Variants in NRG1 observed in about 807,000 individuals in gnomAD.
NRG1 encodes pro-neuregulin-1, membrane-bound isoform.
NRG1 carries 18 observed loss-of-function variants against 63.8 expected under a neutral mutation model. The ratio of observed to expected loss-of-function variants is 0.28; its 90% CI spans 0.19 to 0.42. The LOEUF is 0.42. NRG1 is among the 10% of genes least tolerant of loss of function. The probability of loss-of-function intolerance (pLI) is 1.00; values close to 1 mark genes in which losing one functional copy is unlikely to be tolerated. For synonymous variants in NRG1, 302 were observed against 301.3 expected (o/e 1.00, Z -0.02); for missense variants, 762 against 814.7 (o/e 0.94, Z 0.79).
At chr8:31,677,664 G>T (rs187684431) in intron 1 of NRG1, among the ~76,000 whole-genome samples, 1 of 152,096 alleles carries the variant, frequency 6.6e-6, no homozygotes, top group Non-Finnish European at 1.5e-5. Flanking sequence ...TAATGTATTG[G>T]ATCATTTTCA....
intron 5 of NRG1, among the ~76,000 whole-genome samples, chr8:32,662,728 A>C (rs574016550): frequency 6.6e-6 from 1 of 152,280 alleles, no homozygotes; most frequent in Admixed American, 6.5e-5. Context: ...GATGAATTGG[A>C]TATGGGATTT....
chr8:32,753,872 G>T (rs1000446381), intron 7 of NRG1, among the ~76,000 whole-genome samples: 6 of 152,136 alleles, frequency 3.9e-5, no homozygotes, highest in African/African-American at 1.4e-4. Context: ...AAATATCTGG[G>T]AAATACAAAA....
intron 1 of NRG1, among the ~76,000 whole-genome samples, chr8:32,129,772 A>G (rs1276302102): frequency 6.6e-6 from 1 of 152,004 alleles, no homozygotes; most frequent in Non-Finnish European, 1.5e-5. Context: ...AGGCATGTGT[A>G]TAATATATAT....
At chr8:32,164,855 T>C (rs1455648372) in intron 1 of NRG1, among the ~76,000 whole-genome samples, 1 of 152,184 alleles carries the variant, frequency 6.6e-6, no homozygotes, top group Non-Finnish European at 1.5e-5. Flanking sequence ...CCAATTGCTC[T>C]GTCTCTCAGA....
chr8:32,099,948 G>A (rs1033856349), intron 1 of NRG1, among the ~76,000 whole-genome samples: 23 of 151,980 alleles, frequency 1.5e-4, no homozygotes, highest in Non-Finnish European at 8.8e-5. Flanking sequence ...GGACTGGAGG[G>A]GCTAACAGAG....
At chr8:32,401,909 T>G (rs1411084589) in intron 1 of NRG1, among the ~76,000 whole-genome samples, 1 of 152,064 alleles carries the variant, frequency 6.6e-6, no homozygotes, top group Non-Finnish European at 1.5e-5. Flanking sequence ...TTTGGTTTTT[T>G]TGTTTGTTTG....
chr8:32,278,966 G>A (rs1852404196), intron 1 of NRG1, among the ~76,000 whole-genome samples: 1 of 152,198 alleles, frequency 6.6e-6, no homozygotes, highest in African/African-American at 2.4e-5. Context: ...ATAAGAGACT[G>A]TGTTTGCCTT....
At chr8:32,652,723 A>T (rs1307669139) in intron 5 of NRG1, among the ~76,000 whole-genome samples, 1 of 150,662 alleles carries the variant, frequency 6.6e-6, no homozygotes, top group Non-Finnish European at 1.5e-5. Flanking sequence ...ATTAAATCAA[A>T]TTTTTACCTT....
chr8:31,716,016 TCTTTGTGTCCTAATAG>T (rs1812313561), intron 1 of NRG1, among the ~76,000 whole-genome samples: 2 of 152,200 alleles, frequency 1.3e-5, no homozygotes, highest in South Asian at 4.1e-4. Context: ...AGTGGAAGTT[TCTTTGTGTCCTAATAG>T]CAATTGCGTG....
At chr8:32,536,785 G>A (rs954423249) in intron 1 of NRG1, among the ~76,000 whole-genome samples, 4 of 151,654 alleles carry the variant, frequency 2.6e-5, no homozygotes, top group Non-Finnish European at 5.9e-5. Context: ...TTAGCCGGGT[G>A]TGGTGGTGGG....
intron 1 of NRG1, among the ~76,000 whole-genome samples, chr8:32,346,833 T>C (rs1804961972): frequency 6.6e-6 from 1 of 151,832 alleles, no homozygotes; most frequent in Admixed American, 6.6e-5. Context: ...ATTTATCTTA[T>C]CTTTTTTTTT....
intron 1 of NRG1, among the ~76,000 whole-genome samples, chr8:31,677,547 A>G (rs577970934): frequency 2.0e-4 from 31 of 152,294 alleles, no homozygotes; most frequent in South Asian, 4.2e-4. Flanking sequence ...TTGAGGCTGC[A>G]GTGAGCTGAG....
At chr8:32,041,943 A>AT (rs536607154) in intron 1 of NRG1, among the ~76,000 whole-genome samples, 76 of 152,306 alleles carry the variant, frequency 5.0e-4, no homozygotes, top group African/African-American at 1.8e-3. Flanking sequence ...TTGAAAGTGA[A>AT]TTTTGGTATA....
intron 1 of NRG1, among the ~76,000 whole-genome samples, chr8:32,021,463 T>C (rs1470245749): frequency 3.9e-5 from 6 of 152,120 alleles, no homozygotes; most frequent in Non-Finnish European, 8.8e-5. Flanking sequence ...AGTGAGAACT[T>C]ACTACCAGAA....
chr8:31,692,190 G>A (rs932094945), intron 1 of NRG1, among the ~76,000 whole-genome samples: 1 of 152,174 alleles, frequency 6.6e-6, no homozygotes, highest in African/African-American at 2.4e-5. Context: ...ACTCATTTTA[G>A]AAATTACCCC....
At chr8:32,218,350 T>C (rs1845462330) in intron 1 of NRG1, among the ~76,000 whole-genome samples, 1 of 152,220 alleles carries the variant, frequency 6.6e-6, no homozygotes, top group African/African-American at 2.4e-5. Flanking sequence ...TTGCTTCCAT[T>C]TTCCATATGT....
chr8:32,002,734 G>C (rs1474021968), intron 1 of NRG1, among the ~76,000 whole-genome samples: 1 of 152,016 alleles, frequency 6.6e-6, no homozygotes, highest in African/African-American at 2.4e-5. Flanking sequence ...AGCTGATAAA[G>C]TAAAGAAATT....
intron 1 of NRG1, among the ~76,000 whole-genome samples, chr8:31,904,600 A>G (rs1479643332): frequency 6.6e-6 from 1 of 152,222 alleles, no homozygotes; most frequent in East Asian, 1.9e-4. Context: ...AGCAGTGTTC[A>G]CAATAGCAAA....
chr8:32,770,170 C>T (rs1459755805), downstream of NRG1, among the ~76,000 whole-genome samples: 4 of 152,146 alleles, frequency 2.6e-5, no homozygotes, highest in African/African-American at 9.7e-5. Context: ...TAGATTTAAA[C>T]ATCTTTAATG....
Sources: allele counts gnomAD v4.1 joint callset (sites outside exome capture counted in the v4.1 genomes callset), GRCh38; gene constraint gnomAD v4.1.1; transcripts MANE v1.5; gene names NCBI Gene and HGNC (gene_info 2026-07-23, HGNC 2026-07-21).